TMEM182: variants seen among roughly 807,000 people sequenced by gnomAD.
The protein encoded by TMEM182 is transmembrane protein 182.
A neutral mutation model predicts 26.8 loss-of-function variants in TMEM182; 20 were observed. That is an observed-to-expected ratio of 0.75 (90% CI 0.53 to 1.09). The LOEUF (loss-of-function observed/expected upper bound fraction) is 1.09, where lower values mean the gene tolerates loss of function less well. Ranked by LOEUF, TMEM182 falls within the 50% of genes least tolerant of loss-of-function variation. The probability of loss-of-function intolerance (pLI) is 0.00; values close to 1 mark genes in which losing one functional copy is unlikely to be tolerated. For missense variants in TMEM182, 277 were observed against 275.5 expected (o/e 1.01, Z -0.04); for synonymous variants, 109 against 102.2 (o/e 1.07, Z -0.40).
intron 4 of TMEM182, among the ~76,000 whole-genome samples, chr2:102,810,983 TAC>T (rs963477398): frequency 1.0e-4 from 14 of 138,556 alleles, no homozygotes; most frequent in African/African-American, 3.8e-4. Context: ...CTAATCAAAA[TAC>T]AGATGTTGTA....
downstream of TMEM182, among the ~76,000 whole-genome samples, chr2:102,818,459 C>T (rs1453015515): frequency 3.9e-5 from 6 of 152,180 alleles, no homozygotes; most frequent in Non-Finnish European, 8.8e-5. Context: ...ACAGATTAGA[C>T]TTTCTGAACT....
intron 3 of TMEM182, among the ~76,000 whole-genome samples, chr2:102,831,100 C>T (rs968413637): frequency 6.6e-6 from 1 of 152,152 alleles, no homozygotes; most frequent in Non-Finnish European, 1.5e-5. Context: ...TTTATCTGCT[C>T]ATCTGTTGAT....
At chr2:102,771,886 A>T (rs1680691360) in intron 3 of TMEM182, among the ~76,000 whole-genome samples, 1 of 152,146 alleles carries the variant, frequency 6.6e-6, no homozygotes, top group Non-Finnish European at 1.5e-5. Context: ...GATCCCAGTT[A>T]TGATAACTAA....
At chr2:102,744,148 C>T (rs993861553) in intron 1 of TMEM182, among the ~76,000 whole-genome samples, 3 of 152,118 alleles carry the variant, frequency 2.0e-5, no homozygotes, top group African/African-American at 4.8e-5. Flanking sequence ...AGGTCAAAGA[C>T]CACATTCTGG....
At chr2:102,813,338 TC>T (rs1682623013) in intron 4 of TMEM182, among the ~76,000 whole-genome samples, 1 of 152,234 alleles carries the variant, frequency 6.6e-6, no homozygotes, top group Non-Finnish European at 1.5e-5. Context: ...ATGACTGGGC[TC>T]TTAAAAGCTA....
chr2:102,802,005 G>A (rs561664728), intron 4 of TMEM182, among the ~76,000 whole-genome samples: 36 of 152,316 alleles, frequency 2.4e-4, no homozygotes, highest in Middle Eastern at 3.4e-3. Flanking sequence ...CTGGTCACTC[G>A]CTCTTGAGGC....
intron 4 of TMEM182, among the ~76,000 whole-genome samples, chr2:102,811,591 T>G (rs1682557129): frequency 6.6e-6 from 1 of 152,230 alleles, no homozygotes; most frequent in South Asian, 2.1e-4. Flanking sequence ...CCTCTACACT[T>G]ATAAGTTAGT....
At chr2:102,838,621 A>G (rs1573583392) in intron 3 of TMEM182, among the ~76,000 whole-genome samples, 1 of 152,218 alleles carries the variant, frequency 6.6e-6, no homozygotes, top group East Asian at 1.9e-4. Flanking sequence ...CAACCTGAAG[A>G]ATCAAAATCC....
intron 3 of TMEM182, among the ~76,000 whole-genome samples, chr2:102,789,822 C>G (rs951575500): frequency 4.6e-5 from 7 of 152,136 alleles, no homozygotes; most frequent in African/African-American, 1.2e-4. Flanking sequence ...TTTCCAGGTT[C>G]CCCATTTTCT....
chr2:102,746,318 A>T (rs777349085), intron 1 of TMEM182, among the ~76,000 whole-genome samples: 2 of 152,224 alleles, frequency 1.3e-5, no homozygotes, highest in African/African-American at 2.4e-5. Flanking sequence ...AGAGTTCTTT[A>T]TATGGTCTAA....
intron 3 of TMEM182, among the ~76,000 whole-genome samples, chr2:102,785,995 T>C (rs1257024702): frequency 6.6e-6 from 1 of 151,572 alleles, no homozygotes; most frequent in Non-Finnish European, 1.5e-5. Flanking sequence ...AATGTTCCTA[T>C]CATGGCTTAG....
intron 1 of TMEM182, among the ~76,000 whole-genome samples, chr2:102,743,116 A>G (rs1393512861): frequency 6.6e-6 from 1 of 152,230 alleles, no homozygotes; most frequent in Admixed American, 6.5e-5. Flanking sequence ...AAATAAATGT[A>G]ATGAATCACA....
rs1323212509 is a variant in TMEM182, at chr2:102,762,209, G to A, written c.-9G>A. On this transcript the variant is annotated 5_prime_UTR_variant, in exon 1 of 5. Transcript: ENST00000412401. ...ATATTTTATTTAAAAGGAAACCAGT[G>A]AATTGAAAATGAGACTAAATATCGC... The A allele has an allele frequency of 6.2e-7, 1 of 1,606,102 alleles. No homozygotes were observed. Among genetic ancestry groups the A allele is most frequent in the Non-Finnish European group, 8.5e-7 (1 of 1,175,210 alleles).
At chr2:102,794,512 C>G (rs1357976931) in intron 3 of TMEM182, among the ~76,000 whole-genome samples, 1 of 152,212 alleles carries the variant, frequency 6.6e-6, no homozygotes, top group Non-Finnish European at 1.5e-5. Context: ...ACATTCTACT[C>G]TTTCCTTCTT....
chr2:102,746,769 A>G (rs1426072561), intron 1 of TMEM182, among the ~76,000 whole-genome samples: 4 of 151,968 alleles, frequency 2.6e-5, no homozygotes, highest in African/African-American at 9.7e-5. Context: ...TTGTATTTTT[A>G]GTAGAGATGG....
chr2:102,821,953 A>G (rs542804801), downstream of TMEM182, among the ~76,000 whole-genome samples: 5 of 150,292 alleles, frequency 3.3e-5, no homozygotes, highest in Admixed American at 2.7e-4. Context: ...GCTCCACTGC[A>G]CTCCAACCTG....
At chr2:102,782,599 C>G (rs1242922942) in intron 3 of TMEM182, among the ~76,000 whole-genome samples, 1 of 152,134 alleles carries the variant, frequency 6.6e-6, no homozygotes, top group African/African-American at 2.4e-5. Context: ...AGGATTTCAT[C>G]TGAAGCCAAG....
intron 3 of TMEM182, among the ~76,000 whole-genome samples, chr2:102,797,330 C>CA (rs1681911236): frequency 6.6e-6 from 1 of 152,098 alleles, no homozygotes. Context: ...ATAGAGCCAA[C>CA]AATCTAAATA....
chr2:102,750,025 TAATA>T (rs1679832351), intron 1 of TMEM182, among the ~76,000 whole-genome samples: 3 of 152,068 alleles, frequency 2.0e-5, no homozygotes, highest in East Asian at 1.9e-4. Flanking sequence ...AATTAATTTA[TAATA>T]AATAAATGTT....
Sources: allele counts gnomAD v4.1 joint callset (sites outside exome capture counted in the v4.1 genomes callset), GRCh38; gene constraint gnomAD v4.1.1; transcripts MANE v1.5; gene names NCBI Gene and HGNC (gene_info 2026-07-23, HGNC 2026-07-21).